The following RHOT1 variants were observed in gnomAD, a reference collection of about 807,000 sequenced individuals.
RHOT1 encodes the protein mitochondrial Rho GTPase 1.
In RHOT1, 27 loss-of-function variants were observed where a neutral mutation model predicts 95.3. The ratio of observed to expected loss-of-function variants is 0.28; its 90% CI spans 0.21 to 0.39. RHOT1 has a LOEUF of 0.39. Among genes scored for constraint, RHOT1 ranks in the 10% least tolerant of loss-of-function variants. RHOT1 has a pLI of 1.00. For synonymous variants in RHOT1, 227 were observed against 263.5 expected (o/e 0.86, Z 1.34); for missense variants, 578 against 786.7 (o/e 0.73, Z 3.17).
chr17:32,198,130 A>G (rs1337724502), intron 11 of RHOT1, among the ~76,000 whole-genome samples: 2 of 151,938 alleles, frequency 1.3e-5, no homozygotes, highest in African/African-American at 2.4e-5. Flanking sequence ...CCTGGGCTCA[A>G]GTGATCCTCC....
rs1167868419 is a variant in RHOT1 at position 32,151,076 on chromosome 17, C to T, written c.37+8347C>T. 8 of 1,207,118 alleles carry T rather than the reference C, an allele frequency of 6.6e-6. No homozygotes were observed. The Admixed American group carries it at 1.4e-4, about 21-fold the overall frequency. 74.8% of individuals were successfully genotyped at this position (1,207,118 alleles called of 1,614,324 possible). A position where few individuals can be genotyped will look rare whatever the true frequency, so the allele number is the denominator to read the frequency against. Reference sequence around the variant, plus strand: ...CTTGGAGAAGGCATTCCAGGCTTCTCCTGAGTGAAAACAGCCAGGTTATCA... The same window carrying T: ...CTTGGAGAAGGCATTCCAGGCTTCTTCTGAGTGAAAACAGCCAGGTTATCA... On this transcript the variant is annotated intron_variant, in intron 1 of 19. Coordinates refer to ENST00000545287, the MANE Select transcript of RHOT1 (RefSeq NM_001033566.3).
At chr17:32,203,010 G>A (rs148828204) in intron 15 of RHOT1, 110 bp downstream of exon 15, 1 of 1,023,014 alleles carries the variant, frequency 9.8e-7, no homozygotes, top group African/African-American at 1.6e-5. Context: ...GAACTCAATG[G>A]CCTGTATTAG....
chr17:32,164,181 A>G (rs2033835564), intron 1 of RHOT1, among the ~76,000 whole-genome samples: 1 of 152,184 alleles, frequency 6.6e-6, no homozygotes, highest in African/African-American at 2.4e-5. Flanking sequence ...AGGATGAAAG[A>G]ATGCATTTAA....
intron 19 of RHOT1, among the ~76,000 whole-genome samples, chr17:32,218,376 T>G (rs1387837982): frequency 6.6e-6 from 1 of 151,800 alleles, no homozygotes; most frequent in East Asian, 1.9e-4. Flanking sequence ...GTGTGATGGC[T>G]CACACCTGTG....
intron 3 of RHOT1, 62 bp downstream of exon 3, chr17:32,173,974 C>A: frequency 8.9e-7 from 1 of 1,126,776 alleles, no homozygotes; most frequent in Non-Finnish European, 1.3e-6. Flanking sequence ...AAAAAAGATA[C>A]TTACTGAGCT....
chr17:32,147,462 CT>C (rs1380627456), intron 1 of RHOT1, among the ~76,000 whole-genome samples: 1 of 150,670 alleles, frequency 6.6e-6, no homozygotes, highest in African/African-American at 2.5e-5. Context: ...CCTGCCTCTA[CT>C]TTTTTTTAAC....
chr17:32,203,280 T>C (rs1292281277), intron 15 of RHOT1, among the ~76,000 whole-genome samples: 5 of 141,576 alleles, frequency 3.5e-5, no homozygotes, highest in African/African-American at 1.3e-4. Context: ...TTTTTTTTTT[T>C]TTTTTTTTTT....
chr17:32,202,959 A>G (rs1056598178), intron 15 of RHOT1, 59 bp downstream of exon 15: 5 of 1,554,244 alleles, frequency 3.2e-6, no homozygotes, highest in Non-Finnish European at 4.4e-6. Flanking sequence ...ACTAGTTTAC[A>G]TAATGTTTTC....
intron 18 of RHOT1, among the ~76,000 whole-genome samples, chr17:32,210,062 C>T (rs1214649873): frequency 6.6e-6 from 1 of 151,996 alleles, no homozygotes; most frequent in African/African-American, 2.4e-5. Context: ...TCGTTACAAC[C>T]ATGCCACCAT....
At chr17:32,189,656 G>A (rs987239252) in intron 8 of RHOT1, among the ~76,000 whole-genome samples, 2 of 149,480 alleles carry the variant, frequency 1.3e-5, no homozygotes, top group African/African-American at 4.9e-5. Context: ...ACTATACCTT[G>A]TTTTACACAA....
At chr17:32,179,301 G>A (rs530473796) in intron 6 of RHOT1, 1,207 of 119,848 alleles carry the variant, frequency 0.01, 7 homozygotes, top group Middle Eastern at 0.017. Context: ...CTGCCACCCC[G>A]TCTGGGATGT....
chr17:32,201,993 C>T (rs955108333), intron 14 of RHOT1, among the ~76,000 whole-genome samples: 5 of 152,226 alleles, frequency 3.3e-5, no homozygotes, highest in Admixed American at 1.3e-4. Flanking sequence ...CTCACTGCAA[C>T]CTCCGCCTCC....
intron 6 of RHOT1, chr17:32,179,906 G>T (rs2035463108): frequency 7.2e-6 from 1 of 138,636 alleles, no homozygotes; most frequent in African/African-American, 3.0e-5. Context: ...CACCCCATCT[G>T]GGAAGTGAGG....
At chr17:32,151,387 G>T in intron 1 of RHOT1, 1 of 625,564 alleles carries the variant, frequency 1.6e-6, no homozygotes. Context: ...ACTCCAGTTT[G>T]GATGACAGAG....
chr17:32,193,556 T>A (rs919328632), intron 10 of RHOT1, among the ~76,000 whole-genome samples: 3 of 152,220 alleles, frequency 2.0e-5, no homozygotes, highest in Non-Finnish European at 4.4e-5. Context: ...AAACAGCCTT[T>A]AAATAGTCAT....
intron 1 of RHOT1, among the ~76,000 whole-genome samples, chr17:32,169,016 C>G (rs778012588): frequency 2.0e-5 from 3 of 152,186 alleles, no homozygotes; most frequent in Non-Finnish European, 4.4e-5. Context: ...TTACACAAGT[C>G]AATTGAAAAG....
intron 1 of RHOT1, among the ~76,000 whole-genome samples, chr17:32,152,079 A>C (rs1324042214): frequency 6.6e-6 from 1 of 152,200 alleles, no homozygotes; most frequent in African/African-American, 2.4e-5. Context: ...TTAAAATCAC[A>C]CTTTAAAAGA....
At chr17:32,147,677 G>T (rs1426643722) in intron 1 of RHOT1, among the ~76,000 whole-genome samples, 2 of 151,954 alleles carry the variant, frequency 1.3e-5, no homozygotes, top group Non-Finnish European at 2.9e-5. Context: ...AAATTTAGCT[G>T]GGCATGGTGG....
Position 32,202,852 on chromosome 17 carries a change from CTG to C in RHOT1, c.1287_1288del (p.Cys429TrpfsTer22), listed in dbSNP as rs1340727888. ...GATGTAATGTAATTGGAGTGAAAAA[CTG>C]TGGGAAAAGTGGAGTTCTTCAGGCT... is the stretch of plus-strand genomic sequence containing the variant. Reference protein sequence around the residue: ...FRCNVIGVKNCGKSGVLQALL... With the variant: ...FRCNVIGVKNXGKSGVLQALL... On this transcript the variant is annotated frameshift_variant, in exon 15 of 20. Coordinates refer to ENST00000545287, the MANE Select transcript of RHOT1 (RefSeq NM_001033566.3). LOFTEE classifies it high-confidence loss of function. 1 of 1,612,988 alleles carries C rather than the reference CTG, an allele frequency of 6.2e-7. No homozygotes were observed.
Sources: allele counts gnomAD v4.1 joint callset (sites outside exome capture counted in the v4.1 genomes callset), GRCh38; gene constraint gnomAD v4.1.1; transcripts MANE v1.5; gene names NCBI Gene and HGNC (gene_info 2026-07-23, HGNC 2026-07-21).